Variants in NKAPD1 observed in about 807,000 individuals in gnomAD.
The protein encoded by NKAPD1 is NKAP domain containing 1, also known as uncharacterized protein NKAPD1.
In NKAPD1, 12 loss-of-function variants were observed where a neutral mutation model predicts 30.9. The ratio of observed to expected loss-of-function variants is 0.39; its 90% CI spans 0.25 to 0.63. The LOEUF is 0.63. Among genes scored for constraint, NKAPD1 ranks in the 20% least tolerant of loss-of-function variants. The probability of loss-of-function intolerance (pLI) is 0.51; values close to 1 mark genes in which losing one functional copy is unlikely to be tolerated. For missense variants in NKAPD1, 311 were observed against 344.5 expected (o/e 0.90, Z 0.77); for synonymous variants, 91 against 113.6 (o/e 0.80, Z 1.26).
chr11:112,075,835 CAG>C (rs1235579156), intron 2 of NKAPD1, among the ~76,000 whole-genome samples, 192 bp downstream of exon 2: 3 of 152,260 alleles, frequency 2.0e-5, no homozygotes, highest in East Asian at 1.9e-4. Context: ...TACTGTATAA[CAG>C]AGATATTTGC....
rs1476668094 is a variant in NKAPD1, at chr11:112,083,907, C to G, written c.*935C>G. ...GAAACAGGCTTCTCAGGGACATATC[C>G]ACTTCTTCCCAGTCTGCCTTTGGAT... On this transcript the variant is annotated 3_prime_UTR_variant, in exon 6 of 6. Coordinates refer to ENST00000393047, the MANE Select transcript of NKAPD1 (RefSeq NM_018195.4). The G allele has an allele frequency of 6.6e-6, 1 of 152,528 alleles. No homozygotes were observed. Among genetic ancestry groups the G allele is most frequent in the Non-Finnish European group, 1.5e-5 (1 of 68,012 alleles). The allele number at this position is 152,528 out of a possible 1,614,324, so 9.4% of individuals were successfully genotyped here.
intron 1 of NKAPD1, 81 bp from the exon 2 acceptor site, chr11:112,075,486 T>A: frequency 9.6e-7 from 1 of 1,044,170 alleles, no homozygotes; most frequent in Non-Finnish European, 1.4e-6. Flanking sequence ...CTGTACCTCA[T>A]ATGCTTCTTT....
chr11:112,080,106 C>T (rs1403433586), intron 3 of NKAPD1, among the ~76,000 whole-genome samples: 1 of 152,138 alleles, frequency 6.6e-6, no homozygotes, highest in Non-Finnish European at 1.5e-5. Flanking sequence ...TGAGCCACTG[C>T]ACCTGGCCTG....
At chr11:112,079,379 C>G (rs2135247659) in intron 3 of NKAPD1, among the ~76,000 whole-genome samples, 1 of 152,124 alleles carries the variant, frequency 6.6e-6, no homozygotes, top group South Asian at 2.1e-4. Flanking sequence ...CTCCTGAGCT[C>G]AAAGTGATCC....
intron 4 of NKAPD1, 198 bp downstream of exon 4, chr11:112,080,756 T>C: frequency 1.8e-6 from 1 of 564,458 alleles, no homozygotes; most frequent in Non-Finnish European, 3.1e-6. Context: ...ATCCATACAA[T>C]GGAATATTAT....
chr11:112,083,123 T>C lies in NKAPD1; in HGVS notation c.*151T>C. ...TCTGACAGACGTCTTGTCTTCTATT[T>C]TGGCGTTAAGCTTGATCCCCTTTTC... On this transcript the variant is annotated 3_prime_UTR_variant, in exon 6 of 6. Transcript: ENST00000393047. The C allele has an allele frequency of 1.3e-6, 1 of 745,678 alleles. No homozygotes were observed. The highest frequency in any genetic ancestry group is 2.0e-6 in the Non-Finnish European group (1 of 505,474). 46.2% of individuals were successfully genotyped at this position (745,678 alleles called of 1,614,324 possible).
In NKAPD1 at chr11:112,082,794, C is replaced by G; in HGVS notation, c.704C>G (p.Ala235Gly). 4 of 1,613,746 alleles carry G rather than the reference C, an allele frequency of 2.5e-6. No homozygotes were observed. The highest frequency in any genetic ancestry group is 1.3e-5 in the African/African-American group (1 of 74,900). The change falls in exon 6 of 6, where the codon GCA becomes GGA. Residue 235 changes from alanine (A) to glycine (G), a missense_variant. Physicochemically the swap from Ala to Gly is moderately conservative, Grantham distance 60. Transcript: ENST00000393047. Reference protein sequence around the residue: ...ESNTSHSDDSASSSSEESEER... With the variant: ...ESNTSHSDDSGSSSSEESEER... ...AACACTTCACATTCAGATGATTCAGCATCCAGCAGTTCTGAGGAAAGTGAG... is the reference window on the plus strand; with the variant it reads ...AACACTTCACATTCAGATGATTCAGGATCCAGCAGTTCTGAGGAAAGTGAG...
At position 112,080,480 on chromosome 11, in the gene NKAPD1, G is replaced by T. The variant is rs181464331; in HGVS notation, c.242G>T (p.Gly81Val). 51 of 1,613,926 alleles carry T rather than the reference G, an allele frequency of 3.2e-5. No individual in the cohort carries two copies. The highest frequency in any genetic ancestry group is 4.2e-5 in the Non-Finnish European group (49 of 1,179,982). Residue 81 changes from glycine (G) to valine (V), a missense_variant, in exon 4 of 6, where the codon GGG becomes GTG. Transcript: ENST00000393047. ...TGGAGGCCAAAGAATGAAATTTCTGGGACACTGGAAGATGATTTTCTTAAG... is the reference window on the plus strand; with the variant it reads ...TGGAGGCCAAAGAATGAAATTTCTGTGACACTGGAAGATGATTTTCTTAAG... ...YYWRPKNEIS[G>V]TLEDDFLKAK...
At chr11:112,076,323 G>C (rs1865330590) in intron 2 of NKAPD1, among the ~76,000 whole-genome samples, 1 of 152,158 alleles carries the variant, frequency 6.6e-6, no homozygotes, top group African/African-American at 2.4e-5. Flanking sequence ...ACAGGTGAGA[G>C]ATGATGAGGG....
chr11:112,074,554 C>A lies in NKAPD1; in HGVS notation c.-371C>A. The stretch of plus-strand genomic sequence containing the variant: ...GGGCCCAACCGAAGGCCGTAGCCAT[C>A]CAAAGCGTTCCCAGCCTTTCTGGGG... On this transcript the variant is annotated 5_prime_UTR_variant, in exon 1 of 6. Transcript: ENST00000393047. 1 of 398,966 alleles carries A rather than the reference C, an allele frequency of 2.5e-6. No homozygotes were observed. Among genetic ancestry groups the A allele is most frequent in the Non-Finnish European group, 4.4e-6 (1 of 226,118 alleles). 24.7% of individuals were successfully genotyped at this position (398,966 alleles called of 1,614,324 possible). A position where few individuals can be genotyped will look rare whatever the true frequency, so the allele number is the denominator to read the frequency against.
At chr11:112,081,895 A>T (rs758197814) in intron 4 of NKAPD1, 87 bp from the exon 5 acceptor site, 1 of 1,030,838 alleles carries the variant, frequency 9.7e-7, no homozygotes, top group East Asian at 2.4e-5. Flanking sequence ...TTGTGTATGC[A>T]TGTACTCCAA....
chr11:112,081,888 T>C (rs1317873677), intron 4 of NKAPD1, 94 bp from the exon 5 acceptor site: 5 of 928,462 alleles, frequency 5.4e-6, no homozygotes, highest in African/African-American at 1.6e-5. Flanking sequence ...TTTATGTTTG[T>C]GTATGCATGT....
Position 112,083,217 on chromosome 11 carries a change from T to G in NKAPD1, c.*245T>G. 1 of 386,424 alleles carries G rather than the reference T, an allele frequency of 2.6e-6. No individual in the cohort carries two copies. 23.9% of individuals were successfully genotyped at this position (386,424 alleles called of 1,614,324 possible). On this transcript the variant is annotated 3_prime_UTR_variant, in exon 6 of 6. Coordinates refer to ENST00000393047, the MANE Select transcript of NKAPD1 (RefSeq NM_018195.4). Reference sequence around the variant, plus strand: ...AGAGATTATTTTTTTTTGCAATTAATTACGTTTAGTGTAGAGTGCATATAC... The same window carrying G: ...AGAGATTATTTTTTTTTGCAATTAAGTACGTTTAGTGTAGAGTGCATATAC...
In NKAPD1 at chr11:112,084,366, G is replaced by A. The variant is rs2135258495; in HGVS notation, c.*1394G>A. On this transcript the variant is annotated 3_prime_UTR_variant, in exon 6 of 6. Coordinates refer to ENST00000393047, the MANE Select transcript of NKAPD1 (RefSeq NM_018195.4). ...GGGACAGATTTCTAATAAAGTGCTT[G>A]GTCTTAAAATACATGGTTGGACAGA... is the stretch of plus-strand genomic sequence containing the variant. 1 of 152,686 alleles carries A rather than the reference G, an allele frequency of 6.5e-6. No individual in the cohort carries two copies. 9.5% of individuals were successfully genotyped at this position (152,686 alleles called of 1,614,324 possible).
Position 112,074,513 on chromosome 11 carries a change from C to T in NKAPD1, c.-412C>T, listed in dbSNP as rs1442564565. On this transcript the variant is annotated 5_prime_UTR_variant, in exon 1 of 6. Coordinates refer to ENST00000393047, the MANE Select transcript of NKAPD1 (RefSeq NM_018195.4). ...GAAACCTCAACCCCCGCTTCAGGCT[C>T]CCTAGATACTTTCTGGGGCCCAACC... is the stretch of plus-strand genomic sequence containing the variant. 2 of 398,970 alleles carry T rather than the reference C, an allele frequency of 5.0e-6. No homozygotes were observed. The highest frequency in any genetic ancestry group is 2.1e-5 in the African/African-American group (1 of 48,624). The allele number at this position is 398,970 out of a possible 1,614,324, so 24.7% of individuals were successfully genotyped here.
intron 4 of NKAPD1, 86 bp downstream of exon 4, chr11:112,080,644 T>A: frequency 6.8e-7 from 1 of 1,481,042 alleles, no homozygotes; most frequent in Non-Finnish European, 9.1e-7. Context: ...AAAACTTGTG[T>A]ACAAAAGTTC....
chr11:112,082,033 C>A lies in NKAPD1; in HGVS notation c.372C>A (p.Asp124Glu). The A allele has an allele frequency of 6.2e-7, 1 of 1,609,342 alleles. No individual in the cohort carries two copies. Among genetic ancestry groups the A allele is most frequent in the Non-Finnish European group, 8.5e-7 (1 of 1,176,172 alleles). ...TATACCCTGAAGAATTTGAAACAGA[C>A]AGGTAAGGAAAATAGGCTTACTGAA... ...KELYPEEFET[D>E]SSDQQDITNG... is the part of the protein sequence containing the mutation. The change falls in exon 5 of 6, where the codon GAC becomes GAA. Residue 124 changes from aspartate (D) to glutamate (E), a missense_variant and splice_region_variant. Physicochemically the swap from Asp to Glu is conservative, Grantham distance 45. Transcript: ENST00000393047.
Position 112,082,885 on chromosome 11 carries a change from C to T in NKAPD1, c.795C>T (p.Asn265=). Residue 265 remains asparagine (N), a synonymous_variant, in exon 6 of 6, where the codon AAC becomes AAT. Coordinates refer to ENST00000393047, the MANE Select transcript of NKAPD1 (RefSeq NM_018195.4). ...REKKAHTSVA[N]NEIQERTNKR... The stretch of plus-strand genomic sequence containing the variant: ...AAAAAGCCCATACCTCTGTAGCCAA[C>T]AATGAAATACAGGAGAGGACAAACA... The T allele has an allele frequency of 1.2e-6, 2 of 1,613,166 alleles. No homozygotes were observed. The highest frequency in any genetic ancestry group is 2.2e-5 in the East Asian group (1 of 44,880).
At position 112,085,133 on chromosome 11, in the gene NKAPD1, T is replaced by TA; in HGVS notation, c.*2164dup. On this transcript the variant is annotated 3_prime_UTR_variant, in exon 6 of 6. Transcript: ENST00000393047. ...CTGGAATTTCTGAATTCCAAATAAA[T>TA]AAATTTCACTCTTTGAACATTTCAT... is the stretch of plus-strand genomic sequence containing the variant. 2.0e-6 allele frequency: 1 copy of TA among 499,710 alleles called. No individual in the cohort carries two copies. Among genetic ancestry groups the TA allele is most frequent in the Non-Finnish European group, 3.4e-6 (1 of 296,864 alleles). The allele number at this position is 499,710 out of a possible 1,614,324, so 31.0% of individuals were successfully genotyped here.
Sources: allele counts gnomAD v4.1 joint callset (sites outside exome capture counted in the v4.1 genomes callset), GRCh38; gene constraint gnomAD v4.1.1; transcripts MANE v1.5; gene names NCBI Gene and HGNC (gene_info 2026-07-23, HGNC 2026-07-21).